The following SNTB1 variants were observed in gnomAD, a reference collection of about 807,000 sequenced individuals.
SNTB1 encodes beta-1-syntrophin.
SNTB1 carries 36 observed loss-of-function variants against 48.9 expected under a neutral mutation model. The ratio of observed to expected loss-of-function variants is 0.74; its 90% CI spans 0.56 to 0.97. SNTB1 has a LOEUF of 0.97. SNTB1 is among the 50% of genes least tolerant of loss of function. SNTB1 has a pLI of 0.00. For missense variants in SNTB1, 786 were observed against 703.4 expected (o/e 1.12, Z -1.33); for synonymous variants, 299 against 294.6 (o/e 1.01, Z -0.15).
At chr8:120,650,662 G>C (rs574770626) in intron 2 of SNTB1, among the ~76,000 whole-genome samples, 1 of 152,140 alleles carries the variant, frequency 6.6e-6, no homozygotes, top group Non-Finnish European at 1.5e-5. Flanking sequence ...TATCTCCATT[G>C]CCTGGCATTA....
At chr8:120,687,208 C>T (rs978453123) in intron 2 of SNTB1, among the ~76,000 whole-genome samples, 2 of 152,096 alleles carry the variant, frequency 1.3e-5, no homozygotes, top group African/African-American at 4.8e-5. Context: ...TTTGTAGCCA[C>T]CAAAGACCAT....
chr8:120,587,923 T>C (rs1362595033), intron 3 of SNTB1, among the ~76,000 whole-genome samples: 1 of 152,210 alleles, frequency 6.6e-6, no homozygotes, highest in African/African-American at 2.4e-5. Flanking sequence ...AAACAAGTTA[T>C]CTTTGACTTA....
At chr8:120,684,692 T>C (rs1429026512) in intron 2 of SNTB1, among the ~76,000 whole-genome samples, 2 of 151,764 alleles carry the variant, frequency 1.3e-5, no homozygotes, top group Admixed American at 6.6e-5. Flanking sequence ...TCTCATTCTG[T>C]TGCCCAGGCT....
At chr8:120,699,033 G>A (rs561287689) in intron 1 of SNTB1, among the ~76,000 whole-genome samples, 1 of 152,244 alleles carries the variant, frequency 6.6e-6, no homozygotes, top group South Asian at 2.1e-4. Context: ...TGAAAGAAAA[G>A]GGCTGCTAGG....
chr8:120,763,449 C>A (rs962583006), intron 1 of SNTB1, among the ~76,000 whole-genome samples: 4 of 152,146 alleles, frequency 2.6e-5, no homozygotes, highest in African/African-American at 9.7e-5. Flanking sequence ...GGTCTTTGTG[C>A]TACCCTTTGG....
chr8:120,767,333 G>T (rs1432570743), intron 1 of SNTB1, among the ~76,000 whole-genome samples: 1 of 152,022 alleles, frequency 6.6e-6, no homozygotes, highest in African/African-American at 2.4e-5. Context: ...CCCTGCATTG[G>T]GTGGGAAGCT....
At chr8:120,539,206 AC>A (rs1352481734) in intron 6 of SNTB1, among the ~76,000 whole-genome samples, 1 of 152,146 alleles carries the variant, frequency 6.6e-6, no homozygotes, top group Non-Finnish European at 1.5e-5. Context: ...ATATACCAAC[AC>A]CATAAATATT....
At chr8:120,688,924 CA>C (rs1372125574) in intron 2 of SNTB1, among the ~76,000 whole-genome samples, 1 of 152,014 alleles carries the variant, frequency 6.6e-6, no homozygotes, top group African/African-American at 2.4e-5. Context: ...AAACCAGCAA[CA>C]AAACACCCTG....
At chr8:120,659,385 G>C (rs34622648) in intron 2 of SNTB1, among the ~76,000 whole-genome samples, 89,730 of 152,004 alleles carry the variant, frequency 0.59, 26,632 homozygotes, top group South Asian at 0.71. Flanking sequence ...AACGACGCCT[G>C]CATTTGTTCA....
At position 120,693,920 on chromosome 8, in the gene SNTB1, A is replaced by G; in HGVS notation, c.572-12T>C. 6.2e-7 allele frequency: 1 copy of G among 1,600,862 alleles called. No individual in the cohort carries two copies. Among genetic ancestry groups the G allele is most frequent in the Non-Finnish European group, 8.6e-7 (1 of 1,168,146 alleles). On this transcript the variant is annotated splice_polypyrimidine_tract_variant and intron_variant, in intron 1 of 6. Transcript: ENST00000517992. ...TCGCATGTACTTCACTGCAAGGAAA[A>G]AGACAACAAGTGCTTTTAATACATC...
At chr8:120,788,626 G>T (rs572652634) in intron 1 of SNTB1, among the ~76,000 whole-genome samples, 12 of 151,948 alleles carry the variant, frequency 7.9e-5, no homozygotes, top group African/African-American at 2.7e-4. Flanking sequence ...AGCAAAAACA[G>T]CACAAGGAAA....
chr8:120,795,488 G>A (rs972189097), intron 1 of SNTB1, among the ~76,000 whole-genome samples: 4 of 151,880 alleles, frequency 2.6e-5, no homozygotes, highest in African/African-American at 4.8e-5. Context: ...ACTTAGTAAA[G>A]ACAGGTGGTG....
At chr8:120,738,064 G>T (rs553462176) in intron 1 of SNTB1, among the ~76,000 whole-genome samples, 132 of 152,242 alleles carry the variant, frequency 8.7e-4, no homozygotes, top group African/African-American at 3.0e-3. Context: ...TTGGAGGGTT[G>T]ACTAGGTCAT....
intron 3 of SNTB1, among the ~76,000 whole-genome samples, chr8:120,605,433 C>A (rs1180040189): frequency 6.6e-6 from 1 of 152,226 alleles, no homozygotes; most frequent in Non-Finnish European, 1.5e-5. Context: ...CCACGTCTAA[C>A]TGTGCTTTTT....
chr8:120,644,705 A>G (rs1327031896), intron 2 of SNTB1, among the ~76,000 whole-genome samples: 2 of 151,478 alleles, frequency 1.3e-5, no homozygotes, highest in African/African-American at 2.4e-5. Context: ...GTCAAATGGT[A>G]TTTCCAGTTC....
intron 1 of SNTB1, among the ~76,000 whole-genome samples, chr8:120,709,067 A>T (rs138346267): frequency 6.6e-6 from 1 of 152,168 alleles, no homozygotes; most frequent in African/African-American, 2.4e-5. Flanking sequence ...TAAGTGAGAG[A>T]GTGAAAAAAT....
intron 1 of SNTB1, among the ~76,000 whole-genome samples, chr8:120,772,672 G>A (rs760615252): frequency 4.6e-5 from 7 of 152,146 alleles, no homozygotes; most frequent in Admixed American, 3.3e-4. Context: ...TGAGAAGGGT[G>A]AGGAACAACC....
chr8:120,758,993 A>G (rs890140797), intron 1 of SNTB1, among the ~76,000 whole-genome samples: 6 of 151,536 alleles, frequency 4.0e-5, no homozygotes, highest in African/African-American at 1.5e-4. Context: ...CTGGTCTTGA[A>G]CTCCTGGGCT....
intron 1 of SNTB1, among the ~76,000 whole-genome samples, chr8:120,775,983 C>T (rs991436256): frequency 6.6e-5 from 10 of 152,190 alleles, no homozygotes; most frequent in Non-Finnish European, 1.2e-4. Flanking sequence ...TGGTGTGCTG[C>T]ACCCATTAAC....
Sources: gnomAD v4.1 joint callset for allele counts (sites outside exome capture counted in the v4.1 genomes callset) on GRCh38, gnomAD v4.1.1 for gene constraint, MANE v1.5 for transcripts, NCBI Gene and HGNC (gene_info 2026-07-23, HGNC 2026-07-21) for gene names.